Variants in RAP1GAP2 observed in about 807,000 individuals in gnomAD.
RAP1GAP2 encodes the protein RAP1 GTPase activating protein 2, also known as rap1 GTPase-activating protein 2.
Under a neutral mutation model 95.0 loss-of-function variants are expected in RAP1GAP2, and 27 were observed. The ratio of observed to expected loss-of-function variants is 0.28; its 90% CI spans 0.21 to 0.39. The LOEUF (loss-of-function observed/expected upper bound fraction) is 0.39. Among genes scored for constraint, RAP1GAP2 ranks in the 10% least tolerant of loss-of-function variants. RAP1GAP2 has a pLI of 1.00. For missense variants in RAP1GAP2, 771 were observed against 970.0 expected, an observed-to-expected ratio of 0.79 and a Z score of 2.72; for synonymous variants, 373 against 380.9, an observed-to-expected ratio of 0.98 and a Z score of 0.24.
rs1052744144 is a variant in RAP1GAP2, at chr17:2,905,312, G to T, written c.109G>T (p.Ala37Ser). 6 of 1,613,680 alleles carry T rather than the reference G, an allele frequency of 3.7e-6. No homozygotes were observed. The Admixed American group carries it at 5.0e-5, about 13-fold the overall frequency. The change falls in exon 3 of 25, where the codon GCG (alanine) becomes TCG (serine). Residue 37 changes from alanine (A) to serine (S), a missense_variant. Physicochemically the swap from Ala to Ser is moderately conservative, Grantham distance 99 (BLOSUM62 1). Coordinates refer to ENST00000254695, the MANE Select transcript of RAP1GAP2 (RefSeq NM_015085.5). ...GCAGGAGCTGGCCAACAGCTCGGATGCGACCCTCCCAGACCGGCCGCTCTC... is the reference window on the plus strand; with the variant it reads ...GCAGGAGCTGGCCAACAGCTCGGATTCGACCCTCCCAGACCGGCCGCTCTC... Reference protein sequence around the residue: ...KKQELANSSDATLPDRPLSPP... With the variant: ...KKQELANSSDSTLPDRPLSPP...
intron 2 of RAP1GAP2, among the ~76,000 whole-genome samples, chr17:2,847,091 C>T (rs2071619749): frequency 1.3e-5 from 2 of 152,214 alleles, no homozygotes; most frequent in Admixed American, 1.3e-4. Flanking sequence ...TCACTGCAAC[C>T]TCCACCTCCC....
intron 3 of RAP1GAP2, among the ~76,000 whole-genome samples, chr17:2,911,080 G>A (rs1197375837): frequency 6.6e-6 from 1 of 152,110 alleles, no homozygotes; most frequent in Non-Finnish European, 1.5e-5. Context: ...TCACGCTTGC[G>A]GGCCCAGGGA....
chr17:2,854,044 G>C (rs1261933688), intron 2 of RAP1GAP2: 1 of 985,068 alleles, frequency 1.0e-6, no homozygotes, highest in Non-Finnish European at 1.2e-6. Flanking sequence ...GGGGATCCGC[G>C]CCGCCGTGGT....
chr17:2,764,247 C>T (rs2068236793), intron 1 of RAP1GAP2, among the ~76,000 whole-genome samples: 1 of 150,232 alleles, frequency 6.7e-6, no homozygotes. Flanking sequence ...GCCTGGCCAA[C>T]ATGGTGTAAC....
chr17:2,886,443 G>C (rs1049760918), intron 2 of RAP1GAP2, among the ~76,000 whole-genome samples: 1 of 151,984 alleles, frequency 6.6e-6, no homozygotes, highest in African/African-American at 2.4e-5. Flanking sequence ...AAAGTACTGG[G>C]ATTACAGGTG....
chr17:2,867,017 C>T lies in RAP1GAP2; in HGVS notation c.81-38267C>T, dbSNP rs759053675. 6.6e-6 allele frequency among the ~76,000 whole-genome samples: 1 copy of T among 152,148 alleles called. No individual in the cohort carries two copies. Among genetic ancestry groups the T allele is most frequent in the Non-Finnish European group, 1.5e-5 (1 of 68,036 alleles). On this transcript the variant is annotated intron_variant, in intron 2 of 24. Transcript: ENST00000254695. This position sits in a 1 kb window ranked among gnomAD's most constrained non-coding sequence, Gnocchi z 4.5. ...TCAGGTTCGAATGATTCTTCTGCCTCATTCTCCCAAGTAGCTGGGATTACA... is the reference window on the plus strand; with the variant it reads ...TCAGGTTCGAATGATTCTTCTGCCTTATTCTCCCAAGTAGCTGGGATTACA...
chr17:2,828,431 AG>A (rs1363357956), intron 2 of RAP1GAP2, among the ~76,000 whole-genome samples: 2 of 151,274 alleles, frequency 1.3e-5, no homozygotes, highest in Admixed American at 6.6e-5. Context: ...AAAAAAAAAA[AG>A]AAGTGGCATT....
chr17:3,002,360 C>A (rs2046190503), intron 14 of RAP1GAP2, among the ~76,000 whole-genome samples: 1 of 152,136 alleles, frequency 6.6e-6, no homozygotes, highest in Admixed American at 6.5e-5. Context: ...GGCTGTGGTA[C>A]CTTGATCGTG....
At chr17:2,895,809 C>G (rs1245343293) in intron 2 of RAP1GAP2, among the ~76,000 whole-genome samples, 3 of 152,120 alleles carry the variant, frequency 2.0e-5, no homozygotes, top group African/African-American at 4.8e-5. Context: ...AACTCCTGAC[C>G]TCTAGTGATC....
chr17:2,971,109 G>C (rs561630362), intron 8 of RAP1GAP2, among the ~76,000 whole-genome samples: 43 of 152,180 alleles, frequency 2.8e-4, no homozygotes, highest in African/African-American at 9.9e-4. Context: ...GGTAATTATC[G>C]ATAGCAGCTA....
rs1665492319 is a variant in RAP1GAP2 at position 3,005,491 on chromosome 17, G to C, written c.1272+51G>C. The stretch of plus-strand genomic sequence containing the variant: ...CTCGCATCCACGATGCCAGGTCTCA[G>C]TGCTTGAGTAGCAATGGTTGGGATG... On this transcript the variant is annotated intron_variant, in intron 15 of 24. Transcript: ENST00000254695. The surrounding 1 kb of genome is among the most constrained non-coding windows in gnomAD (Gnocchi z 5.2). 2 of 1,552,490 alleles carry C rather than the reference G, an allele frequency of 1.3e-6. No homozygotes were observed. Among genetic ancestry groups the C allele is most frequent in the Admixed American group, 3.3e-5 (2 of 59,896 alleles).
Position 2,817,412 on chromosome 17 carries a change from C to T in RAP1GAP2, c.80+16862C>T, listed in dbSNP as rs182198882. ...TGCTTCCAATTTTTTTTTGCTGTTG[C>T]GAATAATGCCACAGTGAACGTAGGT... On this transcript the variant is annotated intron_variant, in intron 2 of 24. Transcript: ENST00000254695. Among the ~76,000 whole-genome samples the T allele has an allele frequency of 1.4e-3, 176 of 122,048 alleles. 38 individuals carry two copies. The highest frequency in any genetic ancestry group is 4.4e-3 in the African/African-American group (162 of 36,804). The allele number at this position is 122,048 out of a possible 152,430, so 80.1% of individuals were successfully genotyped here.
intron 8 of RAP1GAP2, among the ~76,000 whole-genome samples, chr17:2,979,120 C>T (rs1273803083): frequency 1.3e-5 from 2 of 152,044 alleles, no homozygotes; most frequent in East Asian, 1.9e-4. Context: ...GATTAAAAAC[C>T]ATATGGTTAT....
rs556908840 is a variant in RAP1GAP2 at position 2,803,708 on chromosome 17, G to A, written c.80+3158G>A. 3.9e-5 allele frequency among the ~76,000 whole-genome samples: 6 copies of A among 152,236 alleles called. No individual in the cohort carries two copies. In the East Asian group the frequency reaches 5.8e-4, roughly 15 times the overall value. On this transcript the variant is annotated intron_variant, in intron 2 of 24. Transcript: ENST00000254695. ...AGCCTGACCAACATGGTAAAACCCC[G>A]TCTCTACTGAAAATACAAAAATTAG...
chr17:2,938,412 C>T (rs372566674), intron 3 of RAP1GAP2, among the ~76,000 whole-genome samples: 5 of 152,008 alleles, frequency 3.3e-5, no homozygotes, highest in South Asian at 2.1e-4. Flanking sequence ...GGAACAGAAC[C>T]GAGGGCCCTG....
In RAP1GAP2 at chr17:2,867,929, C is replaced by CCA. The variant is rs1567724150; in HGVS notation, c.81-37355_81-37354insCA. 6.6e-6 allele frequency among the ~76,000 whole-genome samples: 1 copy of CCA among 152,102 alleles called. No homozygotes were observed. Among genetic ancestry groups the CCA allele is most frequent in the Admixed American group, 6.6e-5 (1 of 15,254 alleles). On this transcript the variant is annotated intron_variant, in intron 2 of 24. Coordinates refer to ENST00000254695, the MANE Select transcript of RAP1GAP2 (RefSeq NM_015085.5). This position sits in a 1 kb window ranked among gnomAD's most constrained non-coding sequence, Gnocchi z 4.5. ...TGCTTTCTTCTTCACGGATGCAGCT[C>CCA]GCGGGATCCCCAAGCCTTTGGTAGT...
chr17:2,899,279 ACTGCAAGCTCCG>A (rs1253778203), intron 2 of RAP1GAP2, among the ~76,000 whole-genome samples: 2 of 152,130 alleles, frequency 1.3e-5, no homozygotes, highest in Admixed American at 6.6e-5. Flanking sequence ...ATCTCGGCTC[ACTGCAAGCTCCG>A]CCTTCCGGGA....
At chr17:2,931,121 C>CA (rs67067799) in intron 3 of RAP1GAP2, among the ~76,000 whole-genome samples, 880 of 66,822 alleles carry the variant, frequency 0.013, 11 homozygotes, top group Admixed American at 0.039. Flanking sequence ...GACTCCATCT[C>CA]AAAAAAAAAA....
intron 2 of RAP1GAP2, among the ~76,000 whole-genome samples, chr17:2,883,837 G>A (rs2073389741): frequency 6.6e-6 from 1 of 152,250 alleles, no homozygotes; most frequent in Non-Finnish European, 1.5e-5. Context: ...AGATAGGGAG[G>A]TGGGTGACCC....
Sources: allele counts gnomAD v4.1 joint callset (sites outside exome capture counted in the v4.1 genomes callset), GRCh38; gene constraint gnomAD v4.1.1; non-coding constraint Gnocchi (gnomAD v3.1); transcripts MANE v1.5; gene names NCBI Gene and HGNC (gene_info 2026-07-23, HGNC 2026-07-21).